Variants in ZNF804A observed in about 807,000 individuals in gnomAD.
ZNF804A encodes the protein zinc finger protein 804A.
Under a neutral mutation model 16.5 loss-of-function variants are expected in ZNF804A, and 2 were observed. The observed-to-expected ratio is 0.12, with a 90% CI of 0.05 to 0.38. The LOEUF (loss-of-function observed/expected upper bound fraction) is 0.38, where lower values mean the gene tolerates loss of function less well. ZNF804A is among the 10% of genes least tolerant of loss of function. The pLI is 0.99. For missense variants in ZNF804A, 1,473 were observed against 1,390.7 expected, an observed-to-expected ratio of 1.06 and a Z score of -0.94; for synonymous variants, 534 against 489.6, an observed-to-expected ratio of 1.09 and a Z score of -1.20.
At chr2:184,815,988 TA>T (rs1187047073) in intron 1 of ZNF804A, among the ~76,000 whole-genome samples, 3 of 152,056 alleles carry the variant, frequency 2.0e-5, no homozygotes, top group Admixed American at 1.3e-4. Context: ...AATGTCATTT[TA>T]AAATATACAG....
intron 1 of ZNF804A, among the ~76,000 whole-genome samples, chr2:184,754,713 TTTTC>T (rs1266134230): frequency 6.6e-6 from 1 of 151,952 alleles, no homozygotes; most frequent in African/African-American, 2.4e-5. Context: ...TTATTTATAT[TTTTC>T]TTTCTCTAGT....
intron 1 of ZNF804A, among the ~76,000 whole-genome samples, chr2:184,653,515 CA>C (rs1200816036): frequency 1.3e-5 from 2 of 152,120 alleles, no homozygotes; most frequent in Non-Finnish European, 2.9e-5. Context: ...AGCTTTAGAG[CA>C]GGAAAGAAAG....
At chr2:184,922,561 T>G (rs1685545594) in intron 2 of ZNF804A, among the ~76,000 whole-genome samples, 1 of 152,002 alleles carries the variant, frequency 6.6e-6, no homozygotes, top group South Asian at 2.1e-4. Context: ...TCTCTTCAGT[T>G]TGTTAATTGT....
intron 2 of ZNF804A, among the ~76,000 whole-genome samples, chr2:184,888,785 A>G (rs926927462): frequency 6.6e-6 from 1 of 152,160 alleles, no homozygotes; most frequent in Non-Finnish European, 1.5e-5. Flanking sequence ...GAAAAGTTAG[A>G]ACATGAGAGG....
rs1691993391 is a variant in ZNF804A at position 184,652,091 on chromosome 2, G to C, written c.111+53021G>C. 2.0e-5 allele frequency among the ~76,000 whole-genome samples: 3 copies of C among 152,278 alleles called. No homozygotes were observed. In the South Asian group the frequency reaches 6.2e-4, roughly 32 times the overall value. On this transcript the variant is annotated intron_variant, in intron 1 of 3. Coordinates refer to ENST00000302277, the MANE Select transcript of ZNF804A (RefSeq NM_194250.2). ...GAAAAGGTGGTAAATATGTGCTATA[G>C]ACTATGATGCAGCATAAAAAAGAAC...
chr2:184,849,459 A>T (rs546264565), intron 1 of ZNF804A, among the ~76,000 whole-genome samples: 16 of 152,134 alleles, frequency 1.1e-4, no homozygotes, highest in African/African-American at 2.9e-4. Flanking sequence ...GAATGGAACT[A>T]GGCTGCTAGT....
intron 1 of ZNF804A, among the ~76,000 whole-genome samples, chr2:184,844,750 G>C (rs1311305556): frequency 6.6e-6 from 1 of 151,526 alleles, no homozygotes; most frequent in Non-Finnish European, 1.5e-5. Flanking sequence ...CTATGGTTTG[G>C]TACCTGTTAC....
chr2:184,870,388 G>C (rs1417878695), intron 2 of ZNF804A, among the ~76,000 whole-genome samples: 1 of 151,994 alleles, frequency 6.6e-6, no homozygotes, highest in Non-Finnish European at 1.5e-5. Context: ...TCTTAAACTA[G>C]ATAGTGGTAT....
Position 184,724,586 on chromosome 2 carries a change from A to G in ZNF804A, c.111+125516A>G, listed in dbSNP as rs140299651. 2.3e-3 allele frequency among the ~76,000 whole-genome samples: 347 copies of G among 151,780 alleles called. 1 individual carries two copies. The highest frequency in any genetic ancestry group is 7.8e-3 in the African/African-American group (324 of 41,526). Reference sequence around the variant, plus strand: ...TACTACTGTATTATTAGATCGAGGGAATATTAGTCACTGAATAATAGTCAC... The same window carrying G: ...TACTACTGTATTATTAGATCGAGGGGATATTAGTCACTGAATAATAGTCAC... On this transcript the variant is annotated intron_variant, in intron 1 of 3. Transcript: ENST00000302277.
intron 2 of ZNF804A, among the ~76,000 whole-genome samples, chr2:184,921,301 C>A (rs994447348): frequency 6.6e-6 from 1 of 151,968 alleles, no homozygotes; most frequent in Non-Finnish European, 1.5e-5. Context: ...GGTCTCAAAG[C>A]AGTTGAATAT....
chr2:184,799,307 AT>A (rs202120754), intron 1 of ZNF804A, among the ~76,000 whole-genome samples: 2 of 151,596 alleles, frequency 1.3e-5, no homozygotes, highest in East Asian at 1.9e-4. Context: ...GCACCGATTG[AT>A]TTTTTTTAAT....
At chr2:184,766,906 A>G (rs1328658212) in intron 1 of ZNF804A, among the ~76,000 whole-genome samples, 1 of 152,080 alleles carries the variant, frequency 6.6e-6, no homozygotes, top group East Asian at 1.9e-4. Context: ...TTAAGGAAGT[A>G]ATTAAGGTTA....
At chr2:184,753,384 G>A (rs13417466) in intron 1 of ZNF804A, among the ~76,000 whole-genome samples, 50,946 of 151,298 alleles carry the variant, frequency 0.34, 11,955 homozygotes, top group African/African-American at 0.67. Context: ...ATGCTGGACG[G>A]CATATCACAA....
intron 2 of ZNF804A, among the ~76,000 whole-genome samples, chr2:184,929,627 A>T (rs1685664644): frequency 6.6e-6 from 1 of 152,152 alleles, no homozygotes; most frequent in South Asian, 2.1e-4. Context: ...AATTATCTGT[A>T]CTTCTTGGAA....
At chr2:184,934,419 A>G (rs1446455599) in intron 3 of ZNF804A, among the ~76,000 whole-genome samples, 1 of 152,146 alleles carries the variant, frequency 6.6e-6, no homozygotes, top group African/African-American at 2.4e-5. Context: ...CTATATCAAA[A>G]TTATTTCATT....
intron 2 of ZNF804A, among the ~76,000 whole-genome samples, chr2:184,900,298 C>T (rs1685157425): frequency 1.3e-5 from 2 of 152,066 alleles, no homozygotes; most frequent in East Asian, 3.9e-4. Flanking sequence ...TATTTAGGTA[C>T]AGTGCCCCCC....
chr2:184,814,392 C>T (rs749083671), intron 1 of ZNF804A, among the ~76,000 whole-genome samples: 77 of 152,112 alleles, frequency 5.1e-4, no homozygotes, highest in East Asian at 1.9e-4. Context: ...ATTCAGACGT[C>T]AGTTTTCTCA....
At chr2:184,743,881 G>A (rs1363036655) in intron 1 of ZNF804A, among the ~76,000 whole-genome samples, 1 of 151,860 alleles carries the variant, frequency 6.6e-6, no homozygotes, top group Non-Finnish European at 1.5e-5. Flanking sequence ...CAGACATGAA[G>A]TATAAAAGCC....
intron 1 of ZNF804A, among the ~76,000 whole-genome samples, chr2:184,772,763 A>G (rs1014493026): frequency 4.6e-5 from 7 of 151,422 alleles, no homozygotes; most frequent in Admixed American, 3.3e-4. Context: ...CAACTTTCCC[A>G]TATCCTTACC....
Sources: allele counts gnomAD v4.1 joint callset (sites outside exome capture counted in the v4.1 genomes callset), GRCh38; gene constraint gnomAD v4.1.1; transcripts MANE v1.5; gene names NCBI Gene and HGNC (gene_info 2026-07-23, HGNC 2026-07-21).